ZFHX3: variants seen among roughly 807,000 people sequenced by gnomAD.
The protein encoded by ZFHX3 is zinc finger homeobox 3.
A neutral mutation model predicts 279.1 loss-of-function variants in ZFHX3; 42 were observed. That is an observed-to-expected ratio of 0.15 (90% CI 0.12 to 0.19). The LOEUF (loss-of-function observed/expected upper bound fraction) is 0.19, where lower values mean the gene tolerates loss of function less well. Ranked by LOEUF, ZFHX3 falls within the 10% of genes least tolerant of loss-of-function variation. ZFHX3 has a pLI of 1.00. For missense variants in ZFHX3, 4,981 were observed against 4,754.0 expected, an observed-to-expected ratio of 1.05 and a Z score of -1.40; for synonymous variants, 2,293 against 1,957.8, an observed-to-expected ratio of 1.17 and a Z score of -4.52.
At chr16:73,222,957 T>C (rs1451532074) in intron 5 of ZFHX3, among the ~76,000 whole-genome samples, 1 of 152,076 alleles carries the variant, frequency 6.6e-6, no homozygotes, top group Admixed American at 6.6e-5. Context: ...GGAAAGGACA[T>C]GTGATAGAGG....
chr16:73,637,339 C>G (rs1347155737), intron 2 of ZFHX3, among the ~76,000 whole-genome samples: 2 of 147,398 alleles, frequency 1.4e-5, no homozygotes, highest in African/African-American at 2.5e-5. Flanking sequence ...TCAAGTGATT[C>G]TCCTGCCTCA....
chr16:73,359,474 C>G (rs1451012729), intron 3 of ZFHX3, among the ~76,000 whole-genome samples: 1 of 152,132 alleles, frequency 6.6e-6, no homozygotes, highest in Non-Finnish European at 1.5e-5. Context: ...AACTCTGTGG[C>G]TAACTCAGTA....
At chr16:73,106,074 C>T (rs1055086805) in intron 7 of ZFHX3, among the ~76,000 whole-genome samples, 1 of 152,044 alleles carries the variant, frequency 6.6e-6, no homozygotes, top group African/African-American at 2.4e-5. Flanking sequence ...CTAGACCCCT[C>T]CTCCCTATGA....
intron 7 of ZFHX3, among the ~76,000 whole-genome samples, chr16:73,128,127 T>A (rs1966603877): frequency 6.6e-6 from 1 of 152,252 alleles, no homozygotes; most frequent in Non-Finnish European, 1.5e-5. Context: ...CATCACTTAA[T>A]TTTTGGCCTT....
chr16:73,504,305 T>A (rs938646900), intron 2 of ZFHX3: 3 of 152,186 alleles, frequency 2.0e-5, no homozygotes, highest in Non-Finnish European at 1.5e-5. Flanking sequence ...TGAACTCAAA[T>A]CAAAGAATTC....
chr16:73,335,122 A>C (rs2015887261), intron 3 of ZFHX3, among the ~76,000 whole-genome samples: 1 of 152,132 alleles, frequency 6.6e-6, no homozygotes, highest in Admixed American at 6.5e-5. Context: ...AAAGAGTTTC[A>C]TTCTCCTAGG....
intron 6 of ZFHX3, among the ~76,000 whole-genome samples, chr16:73,137,825 A>G (rs1331472178): frequency 6.6e-6 from 1 of 152,046 alleles, no homozygotes; most frequent in Non-Finnish European, 1.5e-5. Context: ...GCTTTGTTAT[A>G]ATGCTTTTGT....
At chr16:73,297,670 G>C (rs750386120) in intron 4 of ZFHX3, among the ~76,000 whole-genome samples, 2 of 151,952 alleles carry the variant, frequency 1.3e-5, no homozygotes, top group African/African-American at 2.4e-5. Context: ...GAAACAAGAA[G>C]GAGTGTAAGG....
intron 4 of ZFHX3, among the ~76,000 whole-genome samples, chr16:72,880,560 C>A (rs188554972): frequency 3.9e-5 from 6 of 152,278 alleles, no homozygotes; most frequent in African/African-American, 1.2e-4. Flanking sequence ...AGAAAATACA[C>A]TTCTTTTGTT....
At chr16:72,826,676 C>G (rs554633953) in intron 5 of ZFHX3, among the ~76,000 whole-genome samples, 1 of 152,082 alleles carries the variant, frequency 6.6e-6, no homozygotes, top group Non-Finnish European at 1.5e-5. Flanking sequence ...TTGCAGGAGT[C>G]GGGAAAGAAT....
At chr16:73,761,921 G>A (rs985045323) in intron 1 of ZFHX3, among the ~76,000 whole-genome samples, 7 of 151,996 alleles carry the variant, frequency 4.6e-5, no homozygotes, top group African/African-American at 1.7e-4. Context: ...ACATAGGCAC[G>A]GGTAAAAATT....
At chr16:73,889,264 C>T (rs116593527) in intron 1 of ZFHX3, among the ~76,000 whole-genome samples, 1 of 152,300 alleles carries the variant, frequency 6.6e-6, no homozygotes, top group African/African-American at 2.4e-5. Flanking sequence ...GCGCCAGACC[C>T]GCGCTCCAGA....
At chr16:73,573,585 G>C (rs2051764089) in intron 2 of ZFHX3, among the ~76,000 whole-genome samples, 1 of 152,192 alleles carries the variant, frequency 6.6e-6, no homozygotes, top group African/African-American at 2.4e-5. Context: ...TTACAGTCGT[G>C]GTTCATACAG....
At chr16:73,225,187 A>G (rs1159693722) in intron 5 of ZFHX3, among the ~76,000 whole-genome samples, 2 of 152,222 alleles carry the variant, frequency 1.3e-5, no homozygotes, top group Non-Finnish European at 2.9e-5. Flanking sequence ...TGTATTACAC[A>G]CTTGGAGAGG....
chr16:73,679,772 C>G (rs1466215375), intron 2 of ZFHX3: 1 of 152,160 alleles, frequency 6.6e-6, no homozygotes, highest in Non-Finnish European at 1.5e-5. Flanking sequence ...TTTACCAAGA[C>G]CAGCAGCTGT....
rs1172623449 is a variant in ZFHX3 at position 72,784,266 on chromosome 16, A to AAAAC, written c.*2894_*2897dup. 1 of 152,564 alleles carries AAAAC rather than the reference A, an allele frequency of 6.6e-6. No individual in the cohort carries two copies. Among genetic ancestry groups the AAAAC allele is most frequent in the Admixed American group, 6.6e-5 (1 of 15,246 alleles). 9.5% of individuals were successfully genotyped at this position (152,564 alleles called of 1,614,324 possible). A position where few individuals can be genotyped will look rare whatever the true frequency, so the allele number is the denominator to read the frequency against. ...AGTAGCTCCATGAAAAAAAAAAACA[A>AAAAC]AAACAAAAACAAAAACCCAAACCAT... On this transcript the variant is annotated 3_prime_UTR_variant, in exon 10 of 10. Coordinates refer to ENST00000268489, the MANE Select transcript of ZFHX3 (RefSeq NM_006885.4).
At chr16:73,672,632 A>G (rs2052915212) in intron 2 of ZFHX3, among the ~76,000 whole-genome samples, 1 of 124,084 alleles carries the variant, frequency 8.1e-6, no homozygotes, top group Admixed American at 9.3e-5. Flanking sequence ...ATTTTTCGAA[A>G]GAATAATAAA....
chr16:73,121,701 T>C (rs1156547064), intron 7 of ZFHX3, among the ~76,000 whole-genome samples: 4 of 151,208 alleles, frequency 2.6e-5, no homozygotes, highest in Non-Finnish European at 5.9e-5. Context: ...CTGCAAGCTC[T>C]GCCTCCTGGG....
At chr16:72,926,253 T>G (rs1051730611) in intron 3 of ZFHX3, among the ~76,000 whole-genome samples, 10 of 152,232 alleles carry the variant, frequency 6.6e-5, no homozygotes, top group Non-Finnish European at 1.5e-4. Context: ...TTGCCCATAG[T>G]AACCAACTAA....
Sources: allele counts gnomAD v4.1 joint callset (sites outside exome capture counted in the v4.1 genomes callset), GRCh38; gene constraint gnomAD v4.1.1; transcripts MANE v1.5; gene names NCBI Gene and HGNC (gene_info 2026-07-23, HGNC 2026-07-21).